ATE1: variants seen among roughly 807,000 people sequenced by gnomAD.
ATE1 encodes arginyl-tRNA--protein transferase 1.
Under a neutral mutation model 70.5 loss-of-function variants are expected in ATE1, and 36 were observed. That is an observed-to-expected ratio of 0.51 (90% CI 0.39 to 0.67). ATE1 has a LOEUF of 0.67. Ranked by LOEUF, ATE1 falls within the 30% of genes least tolerant of loss-of-function variation. The pLI, the probability that ATE1 is intolerant of heterozygous loss-of-function variation, is 0.00. For missense variants in ATE1, 593 were observed against 629.5 expected (o/e 0.94, Z 0.62); for synonymous variants, 232 against 219.3 (o/e 1.06, Z -0.51).
intron 7 of ATE1, among the ~76,000 whole-genome samples, chr10:121,898,616 C>T (rs1950864032): frequency 6.6e-6 from 1 of 152,146 alleles, no homozygotes; most frequent in Non-Finnish European, 1.5e-5. Flanking sequence ...ACCTTATAAA[C>T]CACTACTTTC....
At chr10:121,778,130 G>A (rs902606545) in intron 11 of ATE1, among the ~76,000 whole-genome samples, 1 of 152,158 alleles carries the variant, frequency 6.6e-6, no homozygotes, top group African/African-American at 2.4e-5. Context: ...TCATGCTCAT[G>A]GGCACTGAAA....
At chr10:121,784,167 C>G (rs1322142287) in intron 11 of ATE1, among the ~76,000 whole-genome samples, 1 of 152,220 alleles carries the variant, frequency 6.6e-6, no homozygotes, top group Non-Finnish European at 1.5e-5. Flanking sequence ...ACCTGTCTGG[C>G]CAGCGCTCTA....
intron 8 of ATE1, among the ~76,000 whole-genome samples, chr10:121,846,897 C>G (rs561142595): frequency 6.6e-6 from 1 of 152,026 alleles, no homozygotes; most frequent in South Asian, 2.1e-4. Flanking sequence ...AAGAGTAAAG[C>G]AGGTGAGCAA....
rs776284110 is a variant in ATE1, at chr10:121,862,257, G to A, written c.975+7749C>T. ...CTGCTGACTCTGCAAGCTCCGTACA[G>A]GACCCAGTTTTGAGTAACAGCCATT... On this transcript the variant is annotated intron_variant, in intron 8 of 11. Transcript: ENST00000224652. Among the ~76,000 whole-genome samples the A allele has an allele frequency of 6.9e-4, 105 of 152,178 alleles. 2 individuals are homozygous for A. The highest frequency in any genetic ancestry group is 1.4e-3 in the Non-Finnish European group (97 of 68,046).
chr10:121,891,379 G>A (rs922531433), intron 7 of ATE1, among the ~76,000 whole-genome samples: 5 of 152,086 alleles, frequency 3.3e-5, no homozygotes, highest in African/African-American at 1.2e-4. Flanking sequence ...CCAGGATGCC[G>A]GCACATGGTG....
chr10:121,851,027 C>G (rs1003968481), intron 8 of ATE1, among the ~76,000 whole-genome samples: 3 of 125,118 alleles, frequency 2.4e-5, no homozygotes, highest in East Asian at 5.3e-4. Context: ...GGACGTGGAG[C>G]TTGCAGTGAG....
chr10:121,853,146 C>T (rs747698549), intron 8 of ATE1, among the ~76,000 whole-genome samples: 8 of 152,002 alleles, frequency 5.3e-5, no homozygotes, highest in Non-Finnish European at 8.8e-5. Context: ...GGGCCGATCA[C>T]GAGGTCAGGA....
chr10:121,776,795 T>C lies in ATE1; in HGVS notation c.1378+13374A>G, dbSNP rs145615267. Reference sequence around the variant, plus strand: ...GTATTATATGTCAACATAAAATGCATGTCTTACAGGGGACTACAGTTGAGA... The same window carrying C: ...GTATTATATGTCAACATAAAATGCACGTCTTACAGGGGACTACAGTTGAGA... On this transcript the variant is annotated intron_variant, in intron 11 of 11. Coordinates refer to ENST00000224652, the MANE Select transcript of ATE1 (RefSeq NM_001001976.3). 1.4e-3 allele frequency among the ~76,000 whole-genome samples: 209 copies of C among 152,330 alleles called. 4 individuals are homozygous for C. In the East Asian group the frequency reaches 0.019, roughly 14 times the overall value.
intron 10 of ATE1, among the ~76,000 whole-genome samples, chr10:121,819,962 A>G (rs940877081): frequency 9.9e-5 from 15 of 152,076 alleles, no homozygotes; most frequent in African/African-American, 3.6e-4. Context: ...CCTGGCCAAC[A>G]TGGTGAAACG....
At chr10:121,832,203 A>G (rs997125190) in intron 10 of ATE1, among the ~76,000 whole-genome samples, 3 of 152,200 alleles carry the variant, frequency 2.0e-5, no homozygotes, top group African/African-American at 7.2e-5. Context: ...TAATTATAAC[A>G]TACAGGTTGG....
intron 10 of ATE1, among the ~76,000 whole-genome samples, chr10:121,797,013 T>C (rs1004414738): frequency 2.0e-5 from 3 of 152,230 alleles, no homozygotes; most frequent in Admixed American, 1.3e-4. Context: ...ATTAAAATCA[T>C]TTTGATAGCC....
chr10:121,804,100 TCCTC>T lies in ATE1; in HGVS notation c.1258-13815_1258-13812del, dbSNP rs368724903. 1.1e-3 allele frequency among the ~76,000 whole-genome samples: 162 copies of T among 152,258 alleles called. 1 individual carries two copies. The highest frequency in any genetic ancestry group is 3.6e-3 in the African/African-American group (150 of 41,548). On this transcript the variant is annotated intron_variant, in intron 10 of 11. Transcript: ENST00000224652. Reference sequence around the variant, plus strand: ...CTTTAGTAGCAAGTTCAAGATTATTTCCTCCCTTTCTAAAAATGATCAGTCATGT... The same window carrying T: ...CTTTAGTAGCAAGTTCAAGATTATTTCCTTTCTAAAAATGATCAGTCATGT...
upstream of ATE1, chr10:121,928,170 A>T: frequency 7.8e-7 from 1 of 1,289,772 alleles, no homozygotes; most frequent in Non-Finnish European, 9.8e-7. Flanking sequence ...CTTCTCCATA[A>T]GGGGCCGCCG....
At chr10:121,848,670 G>A (rs1948936281) in intron 8 of ATE1, among the ~76,000 whole-genome samples, 1 of 151,486 alleles carries the variant, frequency 6.6e-6, no homozygotes, top group African/African-American at 2.4e-5. Flanking sequence ...CAGCACTTTG[G>A]GAGTCCAAGG....
chr10:121,838,518 T>C (rs752872981), intron 9 of ATE1, among the ~76,000 whole-genome samples: 60 of 152,198 alleles, frequency 3.9e-4, no homozygotes, highest in Non-Finnish European at 6.0e-4. Context: ...GATTTTTACA[T>C]GACTGATTCC....
Position 121,836,711 on chromosome 10 carries a change from A to G in ATE1, c.1257+7T>C, listed in dbSNP as rs201000555. On this transcript the variant is annotated splice_region_variant and intron_variant, in intron 10 of 11. Coordinates refer to ENST00000224652, the MANE Select transcript of ATE1 (RefSeq NM_001001976.3). ...TAAAAATACACATATGTGAAAATCA[A>G]CTTTACCTTATATTTCATCTTGGGA... The G allele has an allele frequency of 1.4e-3, 2,093 of 1,472,554 alleles. 4 individuals are homozygous for G. The highest frequency in any genetic ancestry group is 1.8e-3 in the Non-Finnish European group (1,935 of 1,080,176). The allele number at this position is 1,472,554 out of a possible 1,614,324, so 91.2% of individuals were successfully genotyped here. A position where few individuals can be genotyped will look rare whatever the true frequency, so the allele number is the denominator to read the frequency against.
intron 3 of ATE1, among the ~76,000 whole-genome samples, chr10:121,917,699 T>C (rs554426195): frequency 6.6e-6 from 1 of 151,990 alleles, no homozygotes; most frequent in South Asian, 2.1e-4. Flanking sequence ...GACAGGGAGA[T>C]GAAAAACCAA....
At chr10:121,875,509 T>G (rs1241096583) in intron 7 of ATE1, among the ~76,000 whole-genome samples, 8 of 152,024 alleles carry the variant, frequency 5.3e-5, no homozygotes, top group African/African-American at 1.9e-4. Flanking sequence ...TTCACCATGT[T>G]GGCTAGGCTG....
At chr10:121,928,075 C>G, upstream of ATE1, 1 of 1,207,184 alleles carries the variant, frequency 8.3e-7, no homozygotes. Context: ...CTCGGGCGCC[C>G]GCAGGCCCGG....
Sources: allele counts gnomAD v4.1 joint callset (sites outside exome capture counted in the v4.1 genomes callset), GRCh38; gene constraint gnomAD v4.1.1; transcripts MANE v1.5; gene names NCBI Gene and HGNC (gene_info 2026-07-23, HGNC 2026-07-21).